Variants in UBE2E2 observed in about 807,000 individuals in gnomAD.
UBE2E2 encodes ubiquitin conjugating enzyme E2 E2, also known as ubiquitin-conjugating enzyme E2 E2.
In UBE2E2, 6 loss-of-function variants were observed where a neutral mutation model predicts 24.7. The observed-to-expected ratio is 0.24, with a 90% CI of 0.13 to 0.48. UBE2E2 has a LOEUF of 0.48. Among genes scored for constraint, UBE2E2 ranks in the 20% least tolerant of loss-of-function variants. The pLI, the probability that UBE2E2 is intolerant of heterozygous loss-of-function variation, is 0.99. For synonymous variants in UBE2E2, 104 were observed against 83.6 expected (o/e 1.24, Z -1.33); for missense variants, 169 against 245.0 (o/e 0.69, Z 2.07).
At chr3:23,562,146 T>C (rs1445711881) in intron 5 of UBE2E2, among the ~76,000 whole-genome samples, 28 of 152,188 alleles carry the variant, frequency 1.8e-4, no homozygotes, top group South Asian at 1.2e-3. Flanking sequence ...TGTCTTGTGC[T>C]AGTTTTCAAA....
chr3:23,238,903 T>A (rs1697186115), intron 3 of UBE2E2, among the ~76,000 whole-genome samples: 1 of 152,168 alleles, frequency 6.6e-6, no homozygotes, highest in Admixed American at 6.5e-5. Flanking sequence ...TTGGAGCATT[T>A]CAGATTTCAG....
chr3:23,504,007 GA>G (rs11354616), intron 4 of UBE2E2, among the ~76,000 whole-genome samples: 44,403 of 151,874 alleles, frequency 0.29, 6,959 homozygotes, highest in African/African-American at 0.39. Flanking sequence ...AAGCAAAAGG[GA>G]AAAAAATTTG....
intron 3 of UBE2E2, among the ~76,000 whole-genome samples, chr3:23,418,845 A>G (rs1697719053): frequency 6.6e-6 from 1 of 152,238 alleles, no homozygotes; most frequent in Admixed American, 6.5e-5. Flanking sequence ...TTATGCTGTT[A>G]CTTTGCAAGT....
At chr3:23,365,199 C>T (rs1173229479) in intron 3 of UBE2E2, among the ~76,000 whole-genome samples, 7 of 152,290 alleles carry the variant, frequency 4.6e-5, no homozygotes, top group African/African-American at 1.7e-4. Flanking sequence ...AAGCATTCCC[C>T]TTGAGAACCG....
intron 3 of UBE2E2, among the ~76,000 whole-genome samples, chr3:23,292,902 C>T (rs921704728): frequency 6.6e-6 from 1 of 152,138 alleles, no homozygotes; most frequent in African/African-American, 2.4e-5. Context: ...GGTGAAACCC[C>T]GTCTCTACTA....
At chr3:23,284,823 T>A (rs1291728406) in intron 3 of UBE2E2, among the ~76,000 whole-genome samples, 1 of 151,812 alleles carries the variant, frequency 6.6e-6, no homozygotes, top group Non-Finnish European at 1.5e-5. Context: ...CCTTTGTGTT[T>A]CAAGTAATCC....
intron 5 of UBE2E2, among the ~76,000 whole-genome samples, chr3:23,558,598 T>C (rs979650990): frequency 6.6e-6 from 1 of 152,222 alleles, no homozygotes; most frequent in African/African-American, 2.4e-5. Context: ...TATAGAATCT[T>C]ATTCTTACTG....
Position 23,440,390 on chromosome 3 carries a change from G to C in UBE2E2, c.228-59218G>C, listed in dbSNP as rs1473077166. ...CCCAAAGTGCTGAGATTACAGGCAT[G>C]GGCCATTGTACCCGGCTATCTTATC... On this transcript the variant is annotated intron_variant, in intron 3 of 5. Transcript: ENST00000396703. Among the ~76,000 whole-genome samples the C allele has an allele frequency of 2.0e-5, 3 of 152,146 alleles. No homozygotes were observed. In the East Asian group the frequency reaches 5.8e-4, roughly 29 times the overall value.
At chr3:23,476,106 C>A (rs908482813) in intron 3 of UBE2E2, among the ~76,000 whole-genome samples, 1 of 152,014 alleles carries the variant, frequency 6.6e-6, no homozygotes, top group African/African-American at 2.4e-5. Flanking sequence ...CTAAGTGACC[C>A]ACCAAGCAAA....
At chr3:23,554,382 G>A (rs1695723633) in intron 5 of UBE2E2, among the ~76,000 whole-genome samples, 1 of 152,132 alleles carries the variant, frequency 6.6e-6, no homozygotes, top group South Asian at 2.1e-4. Context: ...AGGCACAGTG[G>A]CTCATGCCTG....
intron 3 of UBE2E2, among the ~76,000 whole-genome samples, chr3:23,308,383 C>T (rs1297363593): frequency 7.2e-5 from 11 of 152,046 alleles, no homozygotes; most frequent in African/African-American, 2.4e-4. Flanking sequence ...CATCATTATC[C>T]TTCATTGCGA....
At chr3:23,208,568 A>G in intron 1 of UBE2E2, 124 bp from the exon 2 acceptor site, 1 of 714,908 alleles carries the variant, frequency 1.4e-6, no homozygotes, top group East Asian at 3.3e-5. Flanking sequence ...TTGTTTTGTA[A>G]ATGACCAATT....
Position 23,574,127 on chromosome 3 carries a change from G to A in UBE2E2, c.509-15607G>A, listed in dbSNP as rs117911945. ...AAGTGAAATAAGCCAGGCACAGAAC[G>A]ACAAGCTTCACATGTTCTCACTTAT... On this transcript the variant is annotated intron_variant, in intron 5 of 5. Transcript: ENST00000396703. 5.7e-4 allele frequency among the ~76,000 whole-genome samples: 87 copies of A among 152,244 alleles called. 3 individuals are homozygous for A. In the East Asian group the frequency reaches 0.015, roughly 26 times the overall value.
At chr3:23,560,378 C>T (rs1204950925) in intron 5 of UBE2E2, among the ~76,000 whole-genome samples, 2 of 152,026 alleles carry the variant, frequency 1.3e-5, no homozygotes, top group Non-Finnish European at 2.9e-5. Flanking sequence ...CATCCGTGTC[C>T]CTACAAAGGA....
rs562207834 is a variant in UBE2E2, at chr3:23,304,160, C to T, written c.227+86848C>T. Among the ~76,000 whole-genome samples, 76 of 152,254 alleles carry T rather than the reference C, an allele frequency of 5.0e-4. 1 individual carries two copies. Among genetic ancestry groups the T allele is most frequent in the South Asian group, 1.5e-3 (7 of 4,820 alleles). ...TACCTTGTATAAGATTAAAACTAAC[C>T]TTAGCAGGCCACTTTTGACCGTGGG... On this transcript the variant is annotated intron_variant, in intron 3 of 5. Coordinates refer to ENST00000396703, the MANE Select transcript of UBE2E2 (RefSeq NM_152653.4).
chr3:23,415,868 ATT>A (rs1265370648), intron 3 of UBE2E2, among the ~76,000 whole-genome samples: 1 of 151,744 alleles, frequency 6.6e-6, no homozygotes, highest in Non-Finnish European at 1.5e-5. Context: ...TACATTAGGT[ATT>A]TCTCCTAATG....
intron 3 of UBE2E2, among the ~76,000 whole-genome samples, chr3:23,462,011 T>G (rs79549892): frequency 0.029 from 4,401 of 152,290 alleles, 109 homozygotes; most frequent in East Asian, 0.13. Flanking sequence ...GCTAAAGTGA[T>G]TTGTCATAAA....
chr3:23,234,977 ATAAGC>A (rs1357568009), intron 3 of UBE2E2, among the ~76,000 whole-genome samples: 3 of 152,186 alleles, frequency 2.0e-5, no homozygotes, highest in Non-Finnish European at 1.5e-5. Context: ...GTGAAATGAG[ATAAGC>A]TAAGATACAT....
At chr3:23,246,808 A>G (rs537768230) in intron 3 of UBE2E2, among the ~76,000 whole-genome samples, 1 of 152,334 alleles carries the variant, frequency 6.6e-6, no homozygotes, top group South Asian at 2.1e-4. Flanking sequence ...ATGACAAAGC[A>G]TGTGGATCAT....
Sources: gnomAD v4.1 joint callset for allele counts (sites outside exome capture counted in the v4.1 genomes callset) on GRCh38, gnomAD v4.1.1 for gene constraint, MANE v1.5 for transcripts, NCBI Gene and HGNC (gene_info 2026-07-23, HGNC 2026-07-21) for gene names.